SLC22A3: variants seen among roughly 807,000 people sequenced by gnomAD.
The protein encoded by SLC22A3 is solute carrier family 22 member 3.
A neutral mutation model predicts 59.1 loss-of-function variants in SLC22A3; 51 were observed. The ratio of observed to expected loss-of-function variants is 0.86; its 90% CI spans 0.69 to 1.09. SLC22A3 has a LOEUF of 1.09. Ranked by LOEUF, SLC22A3 falls within the 50% of genes least tolerant of loss-of-function variation. The pLI is 0.00. For synonymous variants in SLC22A3, 325 were observed against 292.0 expected (o/e 1.11, Z -1.15); for missense variants, 711 against 726.3 (o/e 0.98, Z 0.24).
chr6:160,395,799 G>A (rs1226725686), intron 1 of SLC22A3, among the ~76,000 whole-genome samples: 2 of 152,146 alleles, frequency 1.3e-5, no homozygotes, highest in Non-Finnish European at 2.9e-5. Flanking sequence ...ACTATGTTAG[G>A]TGACAGGTCA....
chr6:160,436,215 A>G (rs1788329542), intron 5 of SLC22A3, among the ~76,000 whole-genome samples: 1 of 152,060 alleles, frequency 6.6e-6, no homozygotes, highest in East Asian at 1.9e-4. Flanking sequence ...CGCTTTTTTC[A>G]GTGTTTTGTA....
chr6:160,439,112 G>A (rs9456540), intron 7 of SLC22A3, among the ~76,000 whole-genome samples: 2 of 151,952 alleles, frequency 1.3e-5, no homozygotes, highest in Non-Finnish European at 2.9e-5. Context: ...CTCTTAATAC[G>A]TATCTATTTA....
chr6:160,425,918 T>C (rs1180200282), intron 5 of SLC22A3: 3 of 985,310 alleles, frequency 3.0e-6, no homozygotes, highest in Non-Finnish European at 3.6e-6. Context: ...ACATTCAGGA[T>C]TGGAATTCCA....
At chr6:160,389,432 C>T (rs543776940) in intron 1 of SLC22A3, among the ~76,000 whole-genome samples, 2 of 152,144 alleles carry the variant, frequency 1.3e-5, no homozygotes, top group Non-Finnish European at 2.9e-5. Context: ...GATGGCCAAG[C>T]ACCTTAACTG....
chr6:160,448,957 G>C (rs1195539957), intron 10 of SLC22A3, among the ~76,000 whole-genome samples: 1 of 152,064 alleles, frequency 6.6e-6, no homozygotes, highest in Non-Finnish European at 1.5e-5. Context: ...AATGACTTAG[G>C]AATTAAGAAC....
At chr6:160,394,394 C>T (rs565347466) in intron 1 of SLC22A3, among the ~76,000 whole-genome samples, 3 of 152,308 alleles carry the variant, frequency 2.0e-5, no homozygotes, top group South Asian at 4.1e-4. Flanking sequence ...AAAGATACAT[C>T]GCAGGCCCAG....
chr6:160,438,064 A>G (rs1412331460), intron 7 of SLC22A3, among the ~76,000 whole-genome samples: 3 of 152,080 alleles, frequency 2.0e-5, no homozygotes, highest in African/African-American at 7.2e-5. Context: ...GCAGGGGGAG[A>G]TGCTGAGAGC....
At chr6:160,400,922 T>A (rs1786748266) in intron 2 of SLC22A3, among the ~76,000 whole-genome samples, 1 of 145,312 alleles carries the variant, frequency 6.9e-6, no homozygotes, top group Admixed American at 7.2e-5. Context: ...ATTAGGAGAT[T>A]GGGCATAGCT....
intron 2 of SLC22A3, among the ~76,000 whole-genome samples, chr6:160,404,713 C>T (rs531192007): frequency 6.6e-6 from 1 of 152,164 alleles, no homozygotes; most frequent in South Asian, 2.1e-4. Context: ...CGACAGTAAT[C>T]ACGACAGTGT....
intron 7 of SLC22A3, among the ~76,000 whole-genome samples, chr6:160,439,048 C>T (rs1788450514): frequency 6.6e-6 from 1 of 152,052 alleles, no homozygotes; most frequent in South Asian, 2.1e-4. Flanking sequence ...ACTGTTCAAC[C>T]CACTACATGG....
intron 5 of SLC22A3, among the ~76,000 whole-genome samples, chr6:160,431,180 G>GT (rs143692714): frequency 6.6e-6 from 1 of 152,082 alleles, no homozygotes; most frequent in Admixed American, 6.6e-5. Flanking sequence ...ATAGCATTTT[G>GT]TTTTTTTGTG....
chr6:160,355,347 C>G (rs1009276879), intron 1 of SLC22A3, among the ~76,000 whole-genome samples: 1 of 152,176 alleles, frequency 6.6e-6, no homozygotes, highest in African/African-American at 2.4e-5. Flanking sequence ...CCTATAGAGG[C>G]TTTTCCCTCT....
chr6:160,406,776 C>G (rs992744611), intron 2 of SLC22A3, among the ~76,000 whole-genome samples: 1 of 152,132 alleles, frequency 6.6e-6, no homozygotes, highest in Non-Finnish European at 1.5e-5. Context: ...TCTGTACCAC[C>G]GGGGAGACTC....
At chr6:160,397,507 G>A (rs1025932899) in intron 1 of SLC22A3, among the ~76,000 whole-genome samples, 2 of 152,018 alleles carry the variant, frequency 1.3e-5, no homozygotes, top group Admixed American at 6.6e-5. Flanking sequence ...AGTTTGAGGT[G>A]GGCAGATTAC....
At chr6:160,434,442 T>C (rs1788264869) in intron 5 of SLC22A3, among the ~76,000 whole-genome samples, 1 of 152,240 alleles carries the variant, frequency 6.6e-6, no homozygotes, top group African/African-American at 2.4e-5. Flanking sequence ...TATTCACTCC[T>C]GAAAGTCCTA....
intron 1 of SLC22A3, among the ~76,000 whole-genome samples, chr6:160,358,127 T>C (rs1223232559): frequency 6.6e-6 from 1 of 152,184 alleles, no homozygotes; most frequent in Non-Finnish European, 1.5e-5. Context: ...ATTATCAAAT[T>C]TTAGATCCAA....
At chr6:160,361,304 A>G (rs1209956857) in intron 1 of SLC22A3, among the ~76,000 whole-genome samples, 1 of 152,254 alleles carries the variant, frequency 6.6e-6, no homozygotes, top group Non-Finnish European at 1.5e-5. Context: ...ACAAAGGAAC[A>G]TACAGAGAAA....
intron 9 of SLC22A3, among the ~76,000 whole-genome samples, chr6:160,444,909 A>T (rs1439257380): frequency 1.3e-5 from 2 of 152,202 alleles, no homozygotes; most frequent in Admixed American, 1.3e-4. Context: ...TCAATACAGG[A>T]TCACCTCAAA....
intron 1 of SLC22A3, among the ~76,000 whole-genome samples, chr6:160,385,541 C>G (rs760943697): frequency 4.6e-5 from 7 of 152,176 alleles, no homozygotes; most frequent in Non-Finnish European, 1.0e-4. Context: ...TCTGTACTGT[C>G]TGCCCCGTGG....
Sources: allele counts gnomAD v4.1 joint callset (sites outside exome capture counted in the v4.1 genomes callset), GRCh38; gene constraint gnomAD v4.1.1; transcripts MANE v1.5; gene names NCBI Gene and HGNC (gene_info 2026-07-23, HGNC 2026-07-21).